SCARA5: variants seen among roughly 807,000 people sequenced by gnomAD.
SCARA5 encodes the protein scavenger receptor class A member 5.
In SCARA5, 45 loss-of-function variants were observed where a neutral mutation model predicts 46.3. The ratio of observed to expected loss-of-function variants is 0.97; its 90% CI spans 0.76 to 1.24. The LOEUF (loss-of-function observed/expected upper bound fraction) is 1.24. SCARA5 is among the 50% of genes most tolerant of loss of function. The pLI, the probability that SCARA5 is intolerant of heterozygous loss-of-function variation, is 0.00. For synonymous variants in SCARA5, 333 were observed against 306.5 expected (o/e 1.09, Z -0.90); for missense variants, 680 against 689.0 (o/e 0.99, Z 0.15).
At chr8:27,989,750 G>A (rs1647337871) in intron 1 of SCARA5, among the ~76,000 whole-genome samples, 2 of 152,334 alleles carry the variant, frequency 1.3e-5, no homozygotes, top group East Asian at 1.9e-4. Context: ...CTGTGCTGCA[G>A]TGGTGTCCAG....
At chr8:27,904,945 G>A (rs958017928) in intron 6 of SCARA5, 111 bp from the exon 7 acceptor site, 39 of 967,332 alleles carry the variant, frequency 4.0e-5, no homozygotes, top group Non-Finnish European at 5.5e-5. Context: ...CCTCAGGCAG[G>A]AGCCAGCAGC....
At chr8:27,929,609 G>T (rs976866462) in intron 3 of SCARA5, among the ~76,000 whole-genome samples, 2 of 152,208 alleles carry the variant, frequency 1.3e-5, no homozygotes, top group Admixed American at 1.3e-4. Flanking sequence ...AGAGGCTCAG[G>T]AAGTCAGGAG....
intron 4 of SCARA5, among the ~76,000 whole-genome samples, chr8:27,914,598 A>T (rs1807431578): frequency 1.3e-5 from 2 of 152,256 alleles, no homozygotes; most frequent in Non-Finnish European, 1.5e-5. Flanking sequence ...GTAGTAGCAG[A>T]AGTGCCATGA....
rs189741064 is a variant in SCARA5, at chr8:27,871,556, C to T, written c.*378G>A. On this transcript the variant is annotated 3_prime_UTR_variant, in exon 9 of 9. Coordinates refer to ENST00000354914, the MANE Select transcript of SCARA5 (RefSeq NM_173833.6). ...GTAAATGATCTATACTACCAACCAT[C>T]GCTGCTGCTGCACTTGTCTCTGACA... 2.7e-5 allele frequency: 29 copies of T among 1,077,464 alleles called. No homozygotes were observed. The African/African-American group carries it at 3.7e-4, about 14-fold the overall frequency. The allele number at this position is 1,077,464 out of a possible 1,614,324, so 66.7% of individuals were successfully genotyped here.
chr8:27,894,880 G>C (rs761776281), intron 7 of SCARA5, among the ~76,000 whole-genome samples: 4 of 152,226 alleles, frequency 2.6e-5, no homozygotes, highest in Non-Finnish European at 5.9e-5. Flanking sequence ...AACAGATGGT[G>C]TGGAATGAAT....
chr8:27,944,039 C>T (rs918356491), intron 3 of SCARA5, among the ~76,000 whole-genome samples: 6 of 152,276 alleles, frequency 3.9e-5, no homozygotes, highest in African/African-American at 1.2e-4. Flanking sequence ...GTTTAACCTA[C>T]GTCAATCATG....
chr8:27,890,783 CTT>C (rs1806968353), intron 7 of SCARA5, among the ~76,000 whole-genome samples: 2 of 152,240 alleles, frequency 1.3e-5, no homozygotes, highest in South Asian at 4.1e-4. Flanking sequence ...TTGTGCTGCC[CTT>C]CTGAAGGTCA....
At position 27,870,223 on chromosome 8, in the gene SCARA5, T is replaced by G. The variant is rs1029316654; in HGVS notation, c.*1711A>C. On this transcript the variant is annotated 3_prime_UTR_variant, in exon 9 of 9. Coordinates refer to ENST00000354914, the MANE Select transcript of SCARA5 (RefSeq NM_173833.6). ...GCATCTTTCACCTTTAGTTTTTTTT[T>G]TTTTTTTTTTTTAACTTAAATGCAA... 68 of 151,798 alleles carry G rather than the reference T, an allele frequency of 4.5e-4. No homozygotes were observed. Among genetic ancestry groups the G allele is most frequent in the South Asian group, 1.5e-3 (7 of 4,818 alleles). 9.4% of individuals were successfully genotyped at this position (151,798 alleles called of 1,614,324 possible). A position where few individuals can be genotyped will look rare whatever the true frequency, so the allele number is the denominator to read the frequency against.
chr8:27,988,476 A>C (rs1808738095), intron 1 of SCARA5, among the ~76,000 whole-genome samples: 1 of 152,222 alleles, frequency 6.6e-6, no homozygotes, highest in Admixed American at 6.5e-5. Flanking sequence ...TAAGACATGC[A>C]CGCGTAAGGT....
In SCARA5 at chr8:27,922,209, G is replaced by A; in HGVS notation, c.278C>T (p.Ala93Val). 1 of 1,589,034 alleles carries A rather than the reference G, an allele frequency of 6.3e-7. No homozygotes were observed. ...CAGCCGGTTCACATTGCGAGTCAGG[G>A]CCTTCAGGTCGTCAGGGGAGCTGCG... ...RPRSSPDDLK[A>V]LTRNVNRLNE... Residue 93 changes from alanine (A) to valine (V), a missense_variant, in exon 4 of 9, where the codon GCC becomes GTC. This residue lies in a region of SCARA5 where 438 missense variants were observed against 384.5 expected (regional missense o/e 1.14). Transcript: ENST00000354914.
At chr8:27,877,939 T>C (rs7819543) in intron 8 of SCARA5, among the ~76,000 whole-genome samples, 4,385 of 151,744 alleles carry the variant, frequency 0.029, 194 homozygotes, top group African/African-American at 0.099. Flanking sequence ...CTGGGAGGAG[T>C]GGAGGCTTCC....
intron 4 of SCARA5, among the ~76,000 whole-genome samples, chr8:27,918,607 G>A (rs1807509357): frequency 6.8e-6 from 1 of 148,040 alleles, no homozygotes. Flanking sequence ...AGGAGAAGGA[G>A]GAGGAAGAGG....
intron 7 of SCARA5, among the ~76,000 whole-genome samples, chr8:27,900,136 T>TA (rs200462432): frequency 0.056 from 7,916 of 141,722 alleles, 653 homozygotes; most frequent in African/African-American, 0.18. Context: ...AGACTCCATC[T>TA]AAAAAAAAAA....
At chr8:27,988,775 G>C (rs1414204733) in intron 1 of SCARA5, among the ~76,000 whole-genome samples, 2 of 152,102 alleles carry the variant, frequency 1.3e-5, no homozygotes, top group Non-Finnish European at 2.9e-5. Context: ...CTTGACCTTT[G>C]CTTCTGATTC....
At chr8:27,933,498 G>C (rs537644821) in intron 3 of SCARA5, among the ~76,000 whole-genome samples, 1 of 144,454 alleles carries the variant, frequency 6.9e-6, no homozygotes, top group African/African-American at 2.6e-5. Flanking sequence ...CAGCAGCCTG[G>C]GTGACAGAGT....
intron 2 of SCARA5, 127 bp from the exon 3 acceptor site, chr8:27,966,669 T>C: frequency 9.5e-7 from 1 of 1,049,508 alleles, no homozygotes; most frequent in Non-Finnish European, 1.4e-6. Context: ...ACATCCCTTT[T>C]GCATGTCTAG....
At chr8:27,918,039 G>A (rs942657994) in intron 4 of SCARA5, among the ~76,000 whole-genome samples, 14 of 152,170 alleles carry the variant, frequency 9.2e-5, no homozygotes, top group African/African-American at 3.4e-4. Flanking sequence ...TATGTGCACT[G>A]CACTCTTAAT....
At chr8:27,956,739 G>T (rs1808213315) in intron 3 of SCARA5, among the ~76,000 whole-genome samples, 1 of 152,240 alleles carries the variant, frequency 6.6e-6, no homozygotes, top group South Asian at 2.1e-4. Context: ...CATAGCAGGG[G>T]CCTCTCTTTA....
chr8:27,934,268 G>A (rs764042354), intron 3 of SCARA5, among the ~76,000 whole-genome samples: 1 of 152,166 alleles, frequency 6.6e-6, no homozygotes, highest in Non-Finnish European at 1.5e-5. Flanking sequence ...GGCTAGGAGA[G>A]CTAGGAAGAC....
Sources: gnomAD v4.1 joint callset for allele counts (sites outside exome capture counted in the v4.1 genomes callset) on GRCh38, gnomAD v4.1.1 for gene constraint, gnomAD v4.1.1 regional missense constraint, MANE v1.5 for transcripts, NCBI Gene and HGNC (gene_info 2026-07-23, HGNC 2026-07-21) for gene names.